INPP4B: variants seen among roughly 807,000 people sequenced by gnomAD.
INPP4B encodes inositol polyphosphate-4-phosphatase type II B.
Under a neutral mutation model 122.5 loss-of-function variants are expected in INPP4B, and 55 were observed. The ratio of observed to expected loss-of-function variants is 0.45; its 90% CI spans 0.36 to 0.56. The LOEUF is 0.56. Ranked by LOEUF, INPP4B falls within the 20% of genes least tolerant of loss-of-function variation. The pLI, the probability that INPP4B is intolerant of heterozygous loss-of-function variation, is 0.00. For missense variants in INPP4B, 1,000 were observed against 1,097.7 expected, an observed-to-expected ratio of 0.91 and a Z score of 1.26; for synonymous variants, 403 against 388.7, an observed-to-expected ratio of 1.04 and a Z score of -0.43.
intron 2 of INPP4B, among the ~76,000 whole-genome samples, chr4:142,538,362 A>T (rs893837169): frequency 2.0e-4 from 30 of 152,182 alleles, no homozygotes; most frequent in Non-Finnish European, 4.4e-5. Flanking sequence ...GTATCAAAAT[A>T]ATGTTGATAT....
At chr4:142,845,728 C>CCGGCGGCGGCGGCGGCGG (rs78589959) in intron 1 of INPP4B, among the ~76,000 whole-genome samples, 2 of 151,330 alleles carry the variant, frequency 1.3e-5, no homozygotes, top group Non-Finnish European at 2.9e-5. Flanking sequence ...TCTTCCCAGG[C>CCGGCGGCGGCGGCGGCGG]CGGCGGCGGC....
intron 5 of INPP4B, among the ~76,000 whole-genome samples, 169 bp downstream of exon 5, chr4:142,429,004 C>T (rs1164053093): frequency 6.6e-6 from 1 of 151,498 alleles, no homozygotes; most frequent in Non-Finnish European, 1.5e-5. Flanking sequence ...CAAGTTAATT[C>T]CTATAAATTT....
intron 2 of INPP4B, among the ~76,000 whole-genome samples, chr4:142,577,998 G>A (rs1236070235): frequency 6.6e-6 from 1 of 151,906 alleles, no homozygotes; most frequent in African/African-American, 2.4e-5. Flanking sequence ...CTGTCCTTCT[G>A]CCAATTTCTG....
intron 25 of INPP4B, among the ~76,000 whole-genome samples, chr4:142,044,736 T>C (rs941994539): frequency 6.6e-6 from 1 of 152,248 alleles, no homozygotes; most frequent in Admixed American, 6.5e-5. Context: ...AAGAATAATA[T>C]GGAATATTTC....
intron 21 of INPP4B, among the ~76,000 whole-genome samples, chr4:142,114,560 C>G (rs1791990433): frequency 6.6e-6 from 1 of 151,968 alleles, no homozygotes; most frequent in Admixed American, 6.6e-5. Flanking sequence ...ATTCATATAT[C>G]CTATTTGGTG....
intron 12 of INPP4B, among the ~76,000 whole-genome samples, chr4:142,217,950 A>C (rs1050970832): frequency 6.6e-6 from 1 of 152,094 alleles, no homozygotes; most frequent in Non-Finnish European, 1.5e-5. Flanking sequence ...CATTGGCTCT[A>C]ATGGGTCTCC....
At chr4:142,281,169 T>C (rs1195699464) in intron 9 of INPP4B, among the ~76,000 whole-genome samples, 1 of 151,854 alleles carries the variant, frequency 6.6e-6, no homozygotes, top group Non-Finnish European at 1.5e-5. Context: ...CTACACCTTT[T>C]AAACACAGAC....
chr4:142,049,022 G>GT (rs1487231422), intron 25 of INPP4B, among the ~76,000 whole-genome samples: 1 of 151,976 alleles, frequency 6.6e-6, no homozygotes, highest in Non-Finnish European at 1.5e-5. Context: ...CAACAACTTT[G>GT]AGATGCTATC....
chr4:142,258,867 G>T (rs985046241), intron 11 of INPP4B, among the ~76,000 whole-genome samples: 3 of 152,044 alleles, frequency 2.0e-5, no homozygotes, highest in Non-Finnish European at 2.9e-5. Flanking sequence ...TATACCCAAA[G>T]GACTATAAAT....
chr4:142,662,437 A>G (rs541609863), intron 2 of INPP4B, among the ~76,000 whole-genome samples: 19 of 152,242 alleles, frequency 1.2e-4, no homozygotes, highest in Admixed American at 1.2e-3. Flanking sequence ...CTAATTGTCC[A>G]CCAAAAATTT....
intron 5 of INPP4B, among the ~76,000 whole-genome samples, chr4:142,416,596 T>C (rs1805824310): frequency 6.6e-6 from 1 of 151,934 alleles, no homozygotes; most frequent in African/African-American, 2.4e-5. Context: ...GATTAGGAAG[T>C]AAGAGGAATA....
chr4:142,584,719 G>C (rs1735799178), intron 2 of INPP4B, among the ~76,000 whole-genome samples: 1 of 151,966 alleles, frequency 6.6e-6, no homozygotes, highest in African/African-American at 2.4e-5. Context: ...CTACTCTAAA[G>C]TTATCCTTCT....
At chr4:142,335,364 T>C (rs1439155607) in intron 7 of INPP4B, among the ~76,000 whole-genome samples, 6 of 152,152 alleles carry the variant, frequency 3.9e-5, no homozygotes, top group Non-Finnish European at 2.9e-5. Context: ...CTGTTATTTT[T>C]CTAGTCCAAA....
intron 25 of INPP4B, among the ~76,000 whole-genome samples, chr4:142,032,092 TAGAA>T (rs1740588541): frequency 6.6e-6 from 1 of 152,118 alleles, no homozygotes; most frequent in Admixed American, 6.5e-5. Context: ...AGATTGAAGA[TAGAA>T]AGGGAAAGAA....
At chr4:142,666,299 T>G (rs1042830813) in intron 2 of INPP4B, among the ~76,000 whole-genome samples, 1 of 152,104 alleles carries the variant, frequency 6.6e-6, no homozygotes, top group African/African-American at 2.4e-5. Context: ...TATATAATTT[T>G]AGATTCATTT....
intron 2 of INPP4B, among the ~76,000 whole-genome samples, chr4:142,467,667 G>C (rs1315284413): frequency 6.6e-6 from 1 of 152,104 alleles, no homozygotes; most frequent in Non-Finnish European, 1.5e-5. Context: ...AGGACTATTG[G>C]AAAGGCATGA....
At chr4:142,030,013 A>T (rs1738787451) in intron 25 of INPP4B, 1 of 1,382,076 alleles carries the variant, frequency 7.2e-7, no homozygotes, top group African/African-American at 1.4e-5. Context: ...ACTAAACACA[A>T]TTTAACATTT....
intron 25 of INPP4B, among the ~76,000 whole-genome samples, chr4:142,062,312 C>G (rs1560982122): frequency 6.6e-6 from 1 of 152,016 alleles, no homozygotes; most frequent in Non-Finnish European, 1.5e-5. Context: ...CACCATCACA[C>G]CATCATACCA....
At chr4:142,568,264 GGT>G in intron 2 of INPP4B, among the ~76,000 whole-genome samples, 1 of 151,630 alleles carries the variant, frequency 6.6e-6, no homozygotes, top group Admixed American at 6.6e-5. Flanking sequence ...TCGTTTTCAA[GGT>G]GTTTCCCAAC....
Sources: allele counts gnomAD v4.1 joint callset (sites outside exome capture counted in the v4.1 genomes callset), GRCh38; gene constraint gnomAD v4.1.1; transcripts MANE v1.5; gene names NCBI Gene and HGNC (gene_info 2026-07-23, HGNC 2026-07-21).